AHCYL2: variants seen among roughly 807,000 people sequenced by gnomAD.
The protein encoded by AHCYL2 is S-adenosylhomocysteine hydrolase-like protein 2.
Under a neutral mutation model 81.4 loss-of-function variants are expected in AHCYL2, and 28 were observed. That is an observed-to-expected ratio of 0.34 (90% CI 0.25 to 0.47). The LOEUF is 0.47. Ranked by LOEUF, AHCYL2 falls within the 20% of genes least tolerant of loss-of-function variation. The probability of loss-of-function intolerance (pLI) is 1.00; values close to 1 mark genes in which losing one functional copy is unlikely to be tolerated. For missense variants in AHCYL2, 551 were observed against 785.1 expected, an observed-to-expected ratio of 0.70 and a Z score of 3.56; for synonymous variants, 272 against 290.2, an observed-to-expected ratio of 0.94 and a Z score of 0.64.
At chr7:129,286,989 CAT>C (rs2150746164) in intron 1 of AHCYL2, among the ~76,000 whole-genome samples, 1 of 152,152 alleles carries the variant, frequency 6.6e-6, no homozygotes, top group African/African-American at 2.4e-5. Flanking sequence ...TATATGTTAA[CAT>C]AAATAATATT....
chr7:129,377,742 T>G (rs1046335064), intron 1 of AHCYL2: 2 of 375,640 alleles, frequency 5.3e-6, no homozygotes, highest in Non-Finnish European at 1.1e-5. Flanking sequence ...TTCAATAAAT[T>G]GTATGAGCTT....
At chr7:129,230,991 A>G (rs1160163575) in intron 1 of AHCYL2, among the ~76,000 whole-genome samples, 6 of 152,068 alleles carry the variant, frequency 3.9e-5, no homozygotes, top group African/African-American at 1.4e-4. Context: ...TTTCTGAGAA[A>G]GCAGCCTGAG....
chr7:129,406,444 C>T lies in AHCYL2; in HGVS notation c.1273C>T (p.Pro425Ser). 6.2e-7 allele frequency: 1 copy of T among 1,613,924 alleles called. No individual in the cohort carries two copies. Among genetic ancestry groups the T allele is most frequent in the Non-Finnish European group, 8.5e-7 (1 of 1,179,972 alleles). ...CATTGTGTATGTAACTGAAATTGACCCCATCTGTGCCCTGCAAGCCTGGTA... is the reference window on the plus strand; with the variant it reads ...CATTGTGTATGTAACTGAAATTGACTCCATCTGTGCCCTGCAAGCCTGGTA... ...GSIVYVTEID[P>S]ICALQACMDG... Residue 425 changes from proline to serine, a missense_variant, in exon 10 of 17, where the codon CCC becomes TCC. Coordinates refer to ENST00000325006, the MANE Select transcript of AHCYL2 (RefSeq NM_015328.4). This position sits in a 1 kb window ranked among gnomAD's most constrained non-coding sequence, Gnocchi z 4.3.
intron 1 of AHCYL2, among the ~76,000 whole-genome samples, chr7:129,299,469 C>T (rs1466098764): frequency 2.1e-5 from 3 of 142,736 alleles, no homozygotes; most frequent in Non-Finnish European, 4.5e-5. Context: ...TCTCGGCTCA[C>T]TGCAAGCTCC....
chr7:129,259,635 A>AT (rs1481826526), intron 1 of AHCYL2, among the ~76,000 whole-genome samples: 1 of 151,874 alleles, frequency 6.6e-6, no homozygotes, highest in East Asian at 1.9e-4. Flanking sequence ...AAGGTTAACT[A>AT]TTGTTATGAT....
intron 1 of AHCYL2, among the ~76,000 whole-genome samples, chr7:129,238,346 T>A (rs1011020712): frequency 6.6e-6 from 1 of 152,196 alleles, no homozygotes; most frequent in Admixed American, 6.5e-5. Flanking sequence ...CTATTTTTTT[T>A]ATGACCGATG....
At chr7:129,384,748 CAG>C (rs1795126274) in intron 2 of AHCYL2, among the ~76,000 whole-genome samples, 1 of 152,144 alleles carries the variant, frequency 6.6e-6, no homozygotes, top group Non-Finnish European at 1.5e-5. Context: ...TCACAGAACA[CAG>C]AAAATGATTT....
At chr7:129,384,277 T>C (rs1314883619) in intron 2 of AHCYL2, among the ~76,000 whole-genome samples, 1 of 149,164 alleles carries the variant, frequency 6.7e-6, no homozygotes, top group Non-Finnish European at 1.5e-5. Flanking sequence ...GTTTTGCTAA[T>C]ATATCATATA....
intron 1 of AHCYL2, among the ~76,000 whole-genome samples, chr7:129,365,466 T>A (rs867074486): frequency 1.3e-5 from 2 of 151,942 alleles, no homozygotes; most frequent in South Asian, 4.1e-4. Context: ...ATTTCCACCA[T>A]ACAAATTGGA....
intron 11 of AHCYL2, chr7:129,410,348 C>T (rs1431639782): frequency 1.9e-5 from 30 of 1,614,064 alleles, no homozygotes; most frequent in African/African-American, 6.7e-5. Context: ...TAGCTCTAGG[C>T]GTGTTGGTTT....
intron 1 of AHCYL2, among the ~76,000 whole-genome samples, chr7:129,237,464 T>C (rs2141075): frequency 0.25 from 38,721 of 152,166 alleles, 5,034 homozygotes; most frequent in East Asian, 0.42. Context: ...GCCTATTTAT[T>C]AACGCAAATA....
chr7:129,347,891 G>A (rs112259031), intron 1 of AHCYL2, among the ~76,000 whole-genome samples: 159 of 152,234 alleles, frequency 1.0e-3, no homozygotes, highest in Middle Eastern at 3.4e-3. Context: ...ATACTTGAAA[G>A]CTTTTCAGAT....
Position 129,290,285 on chromosome 7 carries a change from C to T in AHCYL2, c.363+64846C>T, listed in dbSNP as rs13228836. ...TTGGGAGGCCAAGGCGGGCGGATCA[C>T]GAGGTCAGGAGATGAGACCATTCTG... On this transcript the variant is annotated intron_variant, in intron 1 of 16. Coordinates refer to ENST00000325006, the MANE Select transcript of AHCYL2 (RefSeq NM_015328.4). Among the ~76,000 whole-genome samples the T allele has an allele frequency of 6.2e-3, 927 of 150,200 alleles. 12 individuals carry two copies. The highest frequency in any genetic ancestry group is 0.022 in the African/African-American group (892 of 40,952).
chr7:129,301,210 A>G (rs145763599), intron 1 of AHCYL2, among the ~76,000 whole-genome samples: 1 of 152,260 alleles, frequency 6.6e-6, no homozygotes, highest in African/African-American at 2.4e-5. Context: ...TTGAATTATT[A>G]GATTTTGTTT....
In AHCYL2 at chr7:129,379,752, G is replaced by A; in HGVS notation, c.475+3G>A. Reference sequence around the variant, plus strand: ...ATCTACTGACAGCTACAGCTCAGGTGAGTACTGAACTGCTGTGGACCCAGC... The same window carrying A: ...ATCTACTGACAGCTACAGCTCAGGTAAGTACTGAACTGCTGTGGACCCAGC... On this transcript the variant is annotated splice_donor_region_variant and intron_variant, in intron 2 of 16. Transcript: ENST00000325006. 1 of 1,612,524 alleles carries A rather than the reference G, an allele frequency of 6.2e-7. No individual in the cohort carries two copies. Among genetic ancestry groups the A allele is most frequent in the Non-Finnish European group, 8.5e-7 (1 of 1,178,862 alleles).
chr7:129,384,619 C>G (rs183596295), intron 2 of AHCYL2, among the ~76,000 whole-genome samples: 1 of 152,258 alleles, frequency 6.6e-6, no homozygotes, highest in Admixed American at 6.5e-5. Context: ...TGAAGATACT[C>G]AGAGGCTTAC....
chr7:129,297,093 T>G (rs1006574029), intron 1 of AHCYL2, among the ~76,000 whole-genome samples: 1 of 152,234 alleles, frequency 6.6e-6, no homozygotes, highest in African/African-American at 2.4e-5. Context: ...ACTGATCTAT[T>G]GTAGCCTTGG....
At chr7:129,296,137 G>T (rs1233049188) in intron 1 of AHCYL2, among the ~76,000 whole-genome samples, 1 of 152,036 alleles carries the variant, frequency 6.6e-6, no homozygotes, top group Non-Finnish European at 1.5e-5. Flanking sequence ...GTCTCATTTT[G>T]GAGGAATCAT....
intron 1 of AHCYL2, among the ~76,000 whole-genome samples, chr7:129,300,792 T>G (rs1431885797): frequency 6.6e-6 from 1 of 152,222 alleles, no homozygotes; most frequent in Non-Finnish European, 1.5e-5. Flanking sequence ...TGCCTGTCTT[T>G]TGGATATACG....
Sources: allele counts gnomAD v4.1 joint callset (sites outside exome capture counted in the v4.1 genomes callset), GRCh38; gene constraint gnomAD v4.1.1; non-coding constraint Gnocchi (gnomAD v3.1); transcripts MANE v1.5; gene names NCBI Gene and HGNC (gene_info 2026-07-23, HGNC 2026-07-21).